NOXRED1: variants seen among roughly 807,000 people sequenced by gnomAD.
The protein encoded by NOXRED1 is NADP-dependent oxidoreductase domain-containing protein 1.
Under a neutral mutation model 30.4 loss-of-function variants are expected in NOXRED1, and 20 were observed. The observed-to-expected ratio is 0.66, with a 90% CI of 0.46 to 0.96. The LOEUF (loss-of-function observed/expected upper bound fraction) is 0.96, where lower values mean the gene tolerates loss of function less well. Ranked by LOEUF, NOXRED1 falls within the 40% of genes least tolerant of loss-of-function variation. The pLI is 0.00. For synonymous variants in NOXRED1, 155 were observed against 168.0 expected (o/e 0.92, Z 0.60); for missense variants, 374 against 428.0 (o/e 0.87, Z 1.11).
At chr14:77,399,441 C>A (rs1894268476) in intron 5 of NOXRED1, among the ~76,000 whole-genome samples, 1 of 152,066 alleles carries the variant, frequency 6.6e-6, no homozygotes, top group Non-Finnish European at 1.5e-5. Context: ...CAAAGCAAGA[C>A]CCTGTCTCAA....
At chr14:77,416,821 C>T (rs1443988532) in intron 1 of NOXRED1, among the ~76,000 whole-genome samples, 1 of 151,312 alleles carries the variant, frequency 6.6e-6, no homozygotes, top group Non-Finnish European at 1.5e-5. Flanking sequence ...GGCGGCTGGC[C>T]GGGCGGGGGG....
intron 2 of NOXRED1, among the ~76,000 whole-genome samples, chr14:77,410,299 C>A (rs1894616203): frequency 6.6e-6 from 1 of 151,966 alleles, no homozygotes; most frequent in South Asian, 2.1e-4. Context: ...AAGAAAAAAA[C>A]ATTACAAATC....
In NOXRED1 at chr14:77,409,748, A is replaced by C. The variant is rs1005686086; in HGVS notation, c.350-2103T>G. Among the ~76,000 whole-genome samples, 3 of 152,262 alleles carry C rather than the reference A, an allele frequency of 2.0e-5. No homozygotes were observed. In the South Asian group the frequency reaches 6.2e-4, roughly 32 times the overall value. ...ATATATTGCTTTGCAAAGAATATATATACTTTGTTGAAATATCACATATAT... is the reference window on the plus strand; with the variant it reads ...ATATATTGCTTTGCAAAGAATATATCTACTTTGTTGAAATATCACATATAT... On this transcript the variant is annotated intron_variant, in intron 2 of 5. Coordinates refer to ENST00000380835, the MANE Select transcript of NOXRED1 (RefSeq NM_001113475.3).
At chr14:77,410,027 T>A (rs1894603595) in intron 2 of NOXRED1, among the ~76,000 whole-genome samples, 1 of 152,014 alleles carries the variant, frequency 6.6e-6, no homozygotes, top group Non-Finnish European at 1.5e-5. Context: ...GGTCTCAAAC[T>A]CCTGGCCTCA....
intron 2 of NOXRED1, among the ~76,000 whole-genome samples, chr14:77,408,362 A>AT (rs1007438859): frequency 4.0e-5 from 6 of 151,726 alleles, no homozygotes; most frequent in Non-Finnish European, 2.9e-5. Flanking sequence ...TGCCCAGCTA[A>AT]TTTTTTTATT....
At chr14:77,398,046 A>C (rs1894233721) in intron 5 of NOXRED1, among the ~76,000 whole-genome samples, 1 of 152,168 alleles carries the variant, frequency 6.6e-6, no homozygotes, top group Non-Finnish European at 1.5e-5. Flanking sequence ...ACTCTCCCTA[A>C]GACTGCAGGG....
chr14:77,402,716 C>T (rs1894360051), intron 5 of NOXRED1, among the ~76,000 whole-genome samples: 1 of 151,476 alleles, frequency 6.6e-6, no homozygotes, highest in African/African-American at 2.4e-5. Flanking sequence ...AGACAATATA[C>T]AAATGGTCAA....
At chr14:77,402,238 C>T in intron 5 of NOXRED1, among the ~76,000 whole-genome samples, 1 of 152,154 alleles carries the variant, frequency 6.6e-6, no homozygotes, top group Non-Finnish European at 1.5e-5. Flanking sequence ...AAGACACTGT[C>T]AAGAGAATGA....
chr14:77,414,084 C>T lies in NOXRED1; in HGVS notation c.199G>A (p.Gly67Ser). Residue 67 changes from glycine (G) to serine (S), a missense_variant, in exon 2 of 6, where the codon GGC becomes AGC. Physicochemically the swap from Gly to Ser is moderately conservative, Grantham distance 56. Transcript: ENST00000380835. ...KNQSSRHLSI[G>S]SLNSATPEEF... ...TCAGGAGTGGCTGAATTAAGGGAGC[C>T]AATTGAGAGATGTCTGGAACTTTGA... 1 of 1,605,382 alleles carries T rather than the reference C, an allele frequency of 6.2e-7. No homozygotes were observed. Among genetic ancestry groups the T allele is most frequent in the Non-Finnish European group, 8.5e-7 (1 of 1,174,056 alleles).
rs71452847 is a variant in NOXRED1, at chr14:77,406,634, C to CAG, written c.682+88_682+89dup. ...ACACACACACACACACACACACACA[C>CAG]AGAGAGAGAGAGATTGATTTAATAA... On this transcript the variant is annotated intron_variant, in intron 4 of 5. Transcript: ENST00000380835. 4.1e-3 allele frequency: 1,937 copies of CAG among 473,340 alleles called. 40 individuals are homozygous for CAG. The highest frequency in any genetic ancestry group is 0.012 in the Middle Eastern group (20 of 1,664). The allele number at this position is 473,340 out of a possible 1,614,324, so 29.3% of individuals were successfully genotyped here.
At chr14:77,397,390 G>C (rs114268369) in intron 5 of NOXRED1, among the ~76,000 whole-genome samples, 4,004 of 152,298 alleles carry the variant, frequency 0.026, 182 homozygotes, top group African/African-American at 0.092. Flanking sequence ...TTGCAGCTGT[G>C]AGGAGGCAAC....
chr14:77,406,052 A>G lies in NOXRED1; in HGVS notation c.766T>C (p.Ser256Pro). 1 of 1,613,890 alleles carries G rather than the reference A, an allele frequency of 6.2e-7. No individual in the cohort carries two copies. The highest frequency in any genetic ancestry group is 1.1e-5 in the South Asian group (1 of 91,074). Residue 256 changes from serine (S) to proline (P), a missense_variant, in exon 5 of 6, where the codon TCC becomes CCC. By Grantham distance (74) the Ser-to-Pro change is moderately conservative (BLOSUM62 -1). Transcript: ENST00000380835. ...NICTARNMAH[S>P]QVLQLLSELF... ...TCACTCAGAAGCTGCAGCACTTGGG[A>G]GTGGGCCATGTTTCTTGCTGTGCAT...
chr14:77,398,238 C>T (rs1021108493), intron 5 of NOXRED1, among the ~76,000 whole-genome samples: 1 of 152,160 alleles, frequency 6.6e-6, no homozygotes, highest in African/African-American at 2.4e-5. Flanking sequence ...ACTGGGGACC[C>T]TCACACTTAT....
intron 1 of NOXRED1, among the ~76,000 whole-genome samples, chr14:77,420,303 A>C (rs1164485545): frequency 6.6e-6 from 1 of 151,754 alleles, no homozygotes; most frequent in African/African-American, 2.4e-5. Flanking sequence ...CCAGCTCCAA[A>C]TTTTGGTTCT....
At position 77,407,663 on chromosome 14, in the gene NOXRED1, A is replaced by C. The variant is rs758249564; in HGVS notation, c.350-18T>G. On this transcript the variant is annotated intron_variant, in intron 2 of 5. Coordinates refer to ENST00000380835, the MANE Select transcript of NOXRED1 (RefSeq NM_001113475.3). ...GAGCTCACCTGGGAGGGATAAAGGA[A>C]GACAGGAAGAGCACAGTACTAAAGA... 2.1e-5 allele frequency: 34 copies of C among 1,593,574 alleles called. No individual in the cohort carries two copies. The highest frequency in any genetic ancestry group is 2.9e-5 in the Non-Finnish European group (34 of 1,161,428).
At chr14:77,412,177 T>C (rs908289595) in intron 2 of NOXRED1, among the ~76,000 whole-genome samples, 3 of 150,548 alleles carry the variant, frequency 2.0e-5, no homozygotes, top group African/African-American at 7.3e-5. Context: ...ATTTGGAAAA[T>C]TATGTACAAG....
rs186388414 is a variant in NOXRED1 at position 77,407,589 on chromosome 14, A to G, written c.406T>C (p.Trp136Arg). Reference protein sequence around the residue: ...CFYHNADLVSWADVIFLCCLP... With the variant: ...CFYHNADLVSRADVIFLCCLP... ...CAGCAGAGGAATATCACATCGGCCCAACTCACCAGATCAGCGTTATGGTAA... is the reference window on the plus strand; with the variant it reads ...CAGCAGAGGAATATCACATCGGCCCGACTCACCAGATCAGCGTTATGGTAA... Residue 136 changes from tryptophan (W) to arginine (R), a missense_variant, in exon 3 of 6, where the codon TGG (tryptophan) becomes CGG (arginine). Coordinates refer to ENST00000380835, the MANE Select transcript of NOXRED1 (RefSeq NM_001113475.3). 2.0e-5 allele frequency: 33 copies of G among 1,614,146 alleles called. No individual in the cohort carries two copies. The Admixed American group carries it at 5.2e-4, about 25-fold the overall frequency.
At chr14:77,407,339 C>T (rs916262416) in intron 3 of NOXRED1, 126 bp downstream of exon 3, 1 of 707,006 alleles carries the variant, frequency 1.4e-6, no homozygotes, top group Non-Finnish European at 2.4e-6. Context: ...GATAAAGCTG[C>T]TTCCTCCTTA....
At chr14:77,396,510 A>G (rs529097182) in intron 5 of NOXRED1, among the ~76,000 whole-genome samples, 21 of 152,262 alleles carry the variant, frequency 1.4e-4, no homozygotes, top group African/African-American at 4.6e-4. Flanking sequence ...CGGCCTCCCA[A>G]AGTGCTGGGA....
Sources: gnomAD v4.1 joint callset for allele counts (sites outside exome capture counted in the v4.1 genomes callset) on GRCh38, gnomAD v4.1.1 for gene constraint, MANE v1.5 for transcripts, NCBI Gene and HGNC (gene_info 2026-07-23, HGNC 2026-07-21) for gene names.